The following ZNF257 variants were observed in gnomAD, a reference collection of about 807,000 sequenced individuals.
The protein encoded by ZNF257 is bone marrow zinc finger 4.
A neutral mutation model predicts 11.9 loss-of-function variants in ZNF257; 12 were observed. The ratio of observed to expected loss-of-function variants is 1.01; its 90% CI spans 0.65 to 1.63. ZNF257 has a LOEUF of 1.63. Among genes scored for constraint, ZNF257 ranks in the 40% most tolerant of loss-of-function variants. The pLI is 0.00. For synonymous variants in ZNF257, 183 were observed against 222.7 expected (o/e 0.82, Z 1.59); for missense variants, 580 against 665.5 (o/e 0.87, Z 1.41).
intron 1 of ZNF257, 123 bp downstream of exon 1, chr19:22,052,758 C>T (rs1270184791): frequency 4.0e-6 from 5 of 1,241,088 alleles, no homozygotes; most frequent in East Asian, 2.6e-5. Flanking sequence ...CCGAGTTTTC[C>T]TTGGCCAGCT....
chr19:22,085,098 G>A (rs967366080), intron 3 of ZNF257, among the ~76,000 whole-genome samples: 2 of 151,842 alleles, frequency 1.3e-5, no homozygotes, highest in African/African-American at 4.8e-5. Flanking sequence ...CTGTTGCCAG[G>A]CTGGAGTTCA....
intron 1 of ZNF257, among the ~76,000 whole-genome samples, chr19:22,067,082 C>T (rs1222903536): frequency 6.6e-6 from 1 of 152,102 alleles, no homozygotes; most frequent in Non-Finnish European, 1.5e-5. Context: ...CTTCCAGTCA[C>T]CTCACAATTA....
intron 1 of ZNF257, among the ~76,000 whole-genome samples, chr19:22,072,510 T>A (rs1024207825): frequency 6.6e-6 from 1 of 152,032 alleles, no homozygotes; most frequent in African/African-American, 2.4e-5. Flanking sequence ...ACAAAAAAAA[T>A]TCAGAAACAG....
chr19:22,063,944 C>A (rs926836085), intron 1 of ZNF257: 2 of 152,114 alleles, frequency 1.3e-5, no homozygotes, highest in Non-Finnish European at 2.9e-5. Context: ...CTAATAGTTT[C>A]TGTGGGGTGT....
chr19:22,091,480 A>G lies in ZNF257; in HGVS notation c.*2038A>G, dbSNP rs1354969431. ...CGTCTCAAAAAAAAAAAAAAAAAAA[A>G]GACTTGTGCATTCAGTGGAGTATTA... On this transcript the variant is annotated 3_prime_UTR_variant, in exon 4 of 4. Coordinates refer to ENST00000594947, the MANE Select transcript of ZNF257 (RefSeq NM_033468.4). The G allele has an allele frequency of 2.0e-5, 3 of 151,276 alleles. No individual in the cohort carries two copies. The highest frequency in any genetic ancestry group is 7.3e-5 in the African/African-American group (3 of 41,156). 9.4% of individuals were successfully genotyped at this position (151,276 alleles called of 1,614,324 possible). A position where few individuals can be genotyped will look rare whatever the true frequency, so the allele number is the denominator to read the frequency against.
chr19:22,070,415 C>G (rs116277367), intron 1 of ZNF257, among the ~76,000 whole-genome samples: 1 of 152,040 alleles, frequency 6.6e-6, no homozygotes, highest in South Asian at 2.1e-4. Context: ...TTATTAAACA[C>G]TTAGTACCAA....
chr19:22,069,690 G>T (rs1029049891), intron 1 of ZNF257, among the ~76,000 whole-genome samples: 11 of 152,352 alleles, frequency 7.2e-5, no homozygotes, highest in Middle Eastern at 6.8e-3. Context: ...ATGGACAGAA[G>T]AATTGTTATT....
intron 1 of ZNF257, among the ~76,000 whole-genome samples, chr19:22,072,233 T>C (rs180990688): frequency 6.6e-6 from 1 of 152,292 alleles, no homozygotes. Flanking sequence ...GCTAGTTATT[T>C]TTCTTTTCAT....
chr19:22,089,167 C>A lies in ZNF257; in HGVS notation c.1417C>A (p.His473Asn). The change falls in exon 4 of 4, where the codon CAC (histidine) becomes AAC (asparagine). Residue 473 changes from histidine (H) to asparagine (N), a missense_variant. By Grantham distance (68) the His-to-Asn change is moderately conservative. Transcript: ENST00000594947. Reference sequence around the variant, plus strand: ...TGGCAAAGCCTTTAACCAGTCTTCACACCTTACTCAACATAAAATAATTCA... The same window carrying A: ...TGGCAAAGCCTTTAACCAGTCTTCAAACCTTACTCAACATAAAATAATTCA... Reference protein sequence around the residue: ...ECGKAFNQSSHLTQHKIIHTG... With the variant: ...ECGKAFNQSSNLTQHKIIHTG... 6.2e-7 allele frequency: 1 copy of A among 1,612,028 alleles called. No homozygotes were observed. The highest frequency in any genetic ancestry group is 8.5e-7 in the Non-Finnish European group (1 of 1,179,432).
At position 22,090,880 on chromosome 19, in the gene ZNF257, T is replaced by A. The variant is rs1055069982; in HGVS notation, c.*1438T>A. On this transcript the variant is annotated 3_prime_UTR_variant, in exon 4 of 4. Transcript: ENST00000594947. Reference sequence around the variant, plus strand: ...GAGATACTTTATTAGGTGGGAATTATATACGACCTCTTCTATAAAATAGTA... The same window carrying A: ...GAGATACTTTATTAGGTGGGAATTAAATACGACCTCTTCTATAAAATAGTA... The A allele has an allele frequency of 1.3e-5, 2 of 152,170 alleles. No individual in the cohort carries two copies. The highest frequency in any genetic ancestry group is 2.9e-5 in the Non-Finnish European group (2 of 68,040). The allele number at this position is 152,170 out of a possible 1,614,324, so 9.4% of individuals were successfully genotyped here. A position where few individuals can be genotyped will look rare whatever the true frequency, so the allele number is the denominator to read the frequency against.
At chr19:22,054,294 T>G (rs1302442385) in intron 1 of ZNF257, among the ~76,000 whole-genome samples, 2 of 152,022 alleles carry the variant, frequency 1.3e-5, no homozygotes, top group Non-Finnish European at 2.9e-5. Context: ...GGTCTCGAAC[T>G]CCTAACCTCA....
Position 22,088,563 on chromosome 19 carries a change from C to T in ZNF257, c.813C>T (p.His271=), listed in dbSNP as rs368151797. The change falls in exon 4 of 4, where the codon CAC becomes CAT. Residue 271 remains histidine, a synonymous_variant. Coordinates refer to ENST00000594947, the MANE Select transcript of ZNF257 (RefSeq NM_033468.4). ...ECGKAFNRSS[H]ITQHKRIHNR... ...GCAAAGCCTTTAACCGGTCTTCACA[C>T]ATTACTCAACATAAGAGAATTCATA... 8 of 1,613,290 alleles carry T rather than the reference C, an allele frequency of 5.0e-6. No individual in the cohort carries two copies. The African/African-American group carries it at 1.1e-4, about 22-fold the overall frequency.
At chr19:22,074,654 A>T (rs1471033130) in intron 3 of ZNF257, 1 of 152,048 alleles carries the variant, frequency 6.6e-6, no homozygotes, top group Non-Finnish European at 1.5e-5. Context: ...CCCGGCCAGA[A>T]ATTTATTATT....
At chr19:22,060,103 G>C (rs1426796239) in intron 1 of ZNF257, among the ~76,000 whole-genome samples, 1 of 152,194 alleles carries the variant, frequency 6.6e-6, no homozygotes, top group East Asian at 1.9e-4. Context: ...ATTGTGAATA[G>C]TGCTGCAATG....
intron 1 of ZNF257, among the ~76,000 whole-genome samples, chr19:22,063,757 G>A (rs1031544137): frequency 6.6e-6 from 1 of 152,192 alleles, no homozygotes; most frequent in Non-Finnish European, 1.5e-5. Context: ...TATTTGCTGA[G>A]TATTGTTTTA....
In ZNF257 at chr19:22,078,236, T is replaced by TAAA. The variant is rs56056830; in HGVS notation, c.226+4692_226+4694dup. Among the ~76,000 whole-genome samples, 943 of 102,074 alleles carry TAAA rather than the reference T, an allele frequency of 9.2e-3. 15 individuals are homozygous for TAAA. Among genetic ancestry groups the TAAA allele is most frequent in the East Asian group, 0.054 (176 of 3,230 alleles). 67.0% of individuals were successfully genotyped at this position (102,074 alleles called of 152,430 possible). A position where few individuals can be genotyped will look rare whatever the true frequency, so the allele number is the denominator to read the frequency against. ...CTGGGCAACAGAGGGAGACTCCAAC[T>TAAA]AAAAAAAAAAAAAAAAAAAAAATTA... is the stretch of plus-strand genomic sequence containing the variant. On this transcript the variant is annotated intron_variant, in intron 3 of 3. Coordinates refer to ENST00000594947, the MANE Select transcript of ZNF257 (RefSeq NM_033468.4).
intron 1 of ZNF257, among the ~76,000 whole-genome samples, chr19:22,071,375 T>C (rs906590285): frequency 1.3e-5 from 2 of 152,090 alleles, no homozygotes; most frequent in African/African-American, 4.8e-5. Context: ...AGCAGGTAAA[T>C]GGGTGGTGCT....
At position 22,088,901 on chromosome 19, in the gene ZNF257, C is replaced by A. The variant is rs765415940; in HGVS notation, c.1151C>A (p.Ser384Tyr). 5 of 1,612,228 alleles carry A rather than the reference C, an allele frequency of 3.1e-6. No individual in the cohort carries two copies. Among genetic ancestry groups the A allele is most frequent in the Non-Finnish European group, 1.7e-6 (2 of 1,178,894 alleles). ...GAGTGTGGAAAAGCCTTTAACCGGT[C>A]TTCACACCTTACTAAACATAAGAGA... ...CEECGKAFNR[S>Y]SHLTKHKRIH... The change falls in exon 4 of 4, where the codon TCT becomes TAT. Residue 384 changes from serine to tyrosine, a missense_variant. Ser to Tyr is a moderately radical substitution (Grantham distance 144). Coordinates refer to ENST00000594947, the MANE Select transcript of ZNF257 (RefSeq NM_033468.4).
intron 1 of ZNF257, among the ~76,000 whole-genome samples, chr19:22,065,439 A>G (rs1470460800): frequency 2.0e-5 from 3 of 152,124 alleles, no homozygotes; most frequent in Non-Finnish European, 4.4e-5. Context: ...ACCTCAGGTG[A>G]TCCACCCACC....
Sources: gnomAD v4.1 joint callset for allele counts (sites outside exome capture counted in the v4.1 genomes callset) on GRCh38, gnomAD v4.1.1 for gene constraint, MANE v1.5 for transcripts, NCBI Gene and HGNC (gene_info 2026-07-23, HGNC 2026-07-21) for gene names.